Variants in PARD3B observed in about 807,000 individuals in gnomAD.
The protein encoded by PARD3B is partitioning defective 3 homolog B.
A neutral mutation model predicts 130.2 loss-of-function variants in PARD3B; 103 were observed. That is an observed-to-expected ratio of 0.79 (90% CI 0.67 to 0.93). The LOEUF is 0.93. PARD3B is among the 40% of genes least tolerant of loss of function. The pLI, the probability that PARD3B is intolerant of heterozygous loss-of-function variation, is 0.00. For missense variants in PARD3B, 1,609 were observed against 1,499.2 expected (o/e 1.07, Z -1.21); for synonymous variants, 583 against 553.2 (o/e 1.05, Z -0.76).
chr2:205,107,373 T>C (rs900076595), intron 5 of PARD3B, among the ~76,000 whole-genome samples: 1 of 152,206 alleles, frequency 6.6e-6, no homozygotes, highest in African/African-American at 2.4e-5. Context: ...CTAATTACAT[T>C]ACTTCTTTAA....
At chr2:204,550,412 C>CTCTG (rs562241721) in intron 1 of PARD3B, among the ~76,000 whole-genome samples, 2 of 144,300 alleles carry the variant, frequency 1.4e-5, no homozygotes, top group Non-Finnish European at 3.0e-5. Context: ...GGAGGGCTGA[C>CTCTG]TGTGTGTGTG....
intron 10 of PARD3B, among the ~76,000 whole-genome samples, chr2:205,126,008 A>G (rs1373953148): frequency 1.3e-5 from 2 of 152,232 alleles, no homozygotes; most frequent in African/African-American, 2.4e-5. Context: ...AATTCAATAA[A>G]ATATATATTG....
rs758645400 is a variant in PARD3B, at chr2:205,394,281, A to G, written c.2631-6732A>G. On this transcript the variant is annotated intron_variant, in intron 18 of 22. Transcript: ENST00000406610. The stretch of plus-strand genomic sequence containing the variant: ...GTTCTTGTCTACCTTGGGTAATTCA[A>G]TCTTTGATTTCTTAAATTCTACTAA... Among the ~76,000 whole-genome samples, 8 of 152,200 alleles carry G rather than the reference A, an allele frequency of 5.3e-5. No individual in the cohort carries two copies. The East Asian group carries it at 7.7e-4, about 15-fold the overall frequency.
chr2:204,787,359 AT>A (rs2042048722), intron 2 of PARD3B, among the ~76,000 whole-genome samples: 1 of 152,084 alleles, frequency 6.6e-6, no homozygotes, highest in South Asian at 2.1e-4. Context: ...TGCTTGCTAC[AT>A]ATCATCAGGT....
intron 18 of PARD3B, among the ~76,000 whole-genome samples, chr2:205,326,857 G>A (rs2042955356): frequency 6.6e-6 from 1 of 152,096 alleles, no homozygotes; most frequent in South Asian, 2.1e-4. Flanking sequence ...TACTTATCAT[G>A]TAGCAAGACA....
chr2:205,529,844 C>T (rs568401371), intron 21 of PARD3B, among the ~76,000 whole-genome samples: 1 of 152,194 alleles, frequency 6.6e-6, no homozygotes, highest in South Asian at 2.1e-4. Context: ...CAGATGCATA[C>T]AGTTTTGAGA....
chr2:205,428,525 C>T (rs1329997364), intron 19 of PARD3B, among the ~76,000 whole-genome samples: 9 of 152,190 alleles, frequency 5.9e-5, no homozygotes. Context: ...TATCAGACTT[C>T]CCAGCCTCCA....
intron 2 of PARD3B, among the ~76,000 whole-genome samples, chr2:204,694,827 G>A (rs2037533742): frequency 6.6e-6 from 1 of 152,036 alleles, no homozygotes; most frequent in Admixed American, 6.6e-5. Flanking sequence ...GAGAGAATCT[G>A]TGCACAGATG....
chr2:204,790,679 G>C (rs1374967061), intron 2 of PARD3B, among the ~76,000 whole-genome samples: 1 of 152,174 alleles, frequency 6.6e-6, no homozygotes, highest in African/African-American at 2.4e-5. Context: ...CTATAACAGA[G>C]AATGAGTTTT....
chr2:205,153,321 G>A (rs2033890302), intron 10 of PARD3B, among the ~76,000 whole-genome samples: 1 of 152,084 alleles, frequency 6.6e-6, no homozygotes, highest in Admixed American at 6.6e-5. Flanking sequence ...TAGCTCAATT[G>A]GAAAGGCAGA....
chr2:205,516,642 A>G (rs1156544948), intron 21 of PARD3B, among the ~76,000 whole-genome samples: 3 of 152,088 alleles, frequency 2.0e-5, no homozygotes, highest in Non-Finnish European at 2.9e-5. Flanking sequence ...ACTTTGCTGC[A>G]GTTTATCAGC....
At chr2:205,159,371 C>T (rs2034373283) in intron 11 of PARD3B, among the ~76,000 whole-genome samples, 1 of 152,146 alleles carries the variant, frequency 6.6e-6, no homozygotes, top group Non-Finnish European at 1.5e-5. Flanking sequence ...TGAAGAAAAC[C>T]ATGGTGCCCA....
chr2:205,598,216 A>AC (rs924272993), intron 22 of PARD3B, among the ~76,000 whole-genome samples: 4 of 152,168 alleles, frequency 2.6e-5, no homozygotes, highest in East Asian at 1.9e-4. Context: ...TCTTCAAGGG[A>AC]CCCCCTCTTA....
In PARD3B at chr2:205,592,490, C is replaced by T. The variant is rs1366714580; in HGVS notation, c.3261-22966C>T. 2.6e-5 allele frequency among the ~76,000 whole-genome samples: 4 copies of T among 152,158 alleles called. No homozygotes were observed. The highest frequency in any genetic ancestry group is 2.1e-4 in the South Asian group (1 of 4,828). ...CATGAGCCAGGCACTGGAGAGTGAA[C>T]GGTGAACTCGGTAATAGTCCTTACC... is the stretch of plus-strand genomic sequence containing the variant. On this transcript the variant is annotated intron_variant, in intron 22 of 22. Coordinates refer to ENST00000406610, the MANE Select transcript of PARD3B (RefSeq NM_001302769.2). This position sits in a 1 kb window ranked among gnomAD's most constrained non-coding sequence, Gnocchi z 4.5.
At chr2:204,574,900 C>T (rs541825387) in intron 1 of PARD3B, among the ~76,000 whole-genome samples, 15 of 152,162 alleles carry the variant, frequency 9.9e-5, no homozygotes, top group Non-Finnish European at 1.5e-4. Flanking sequence ...TAACAGCATA[C>T]GCTTTACTAA....
intron 19 of PARD3B, among the ~76,000 whole-genome samples, chr2:205,425,945 G>C (rs1188024427): frequency 6.6e-6 from 1 of 152,092 alleles, no homozygotes; most frequent in East Asian, 1.9e-4. Context: ...TAAAAAATTT[G>C]CATGTCAGTA....
intron 21 of PARD3B, among the ~76,000 whole-genome samples, chr2:205,514,383 G>A (rs748324708): frequency 6.6e-6 from 1 of 152,074 alleles, no homozygotes; most frequent in Non-Finnish European, 1.5e-5. Context: ...TATGATTTTA[G>A]GAGGCTGAAA....
intron 2 of PARD3B, among the ~76,000 whole-genome samples, chr2:204,838,195 A>ATTG (rs1013100771): frequency 4.3e-5 from 6 of 139,024 alleles, no homozygotes; most frequent in African/African-American, 1.2e-4. Context: ...TATTATTATT[A>ATTG]TTTTTGAGAA....
chr2:204,935,744 T>C (rs1208053818), intron 2 of PARD3B, among the ~76,000 whole-genome samples: 1 of 152,138 alleles, frequency 6.6e-6, no homozygotes, highest in African/African-American at 2.4e-5. Flanking sequence ...ATTGAAACCA[T>C]TAGGCTCATA....
Sources: gnomAD v4.1 joint callset for allele counts (sites outside exome capture counted in the v4.1 genomes callset) on GRCh38, gnomAD v4.1.1 for gene constraint, Gnocchi (gnomAD v3.1) non-coding constraint, MANE v1.5 for transcripts, NCBI Gene and HGNC (gene_info 2026-07-23, HGNC 2026-07-21) for gene names.